The following GDAP1 variants were observed in gnomAD, a reference collection of about 807,000 sequenced individuals.
GDAP1 encodes the protein ganglioside induced differentiation associated protein 1, also known as ganglioside-induced differentiation-associated protein 1.
GDAP1 carries 34 observed loss-of-function variants against 40.1 expected under a neutral mutation model. The ratio of observed to expected loss-of-function variants is 0.85; its 90% confidence interval spans 0.64 to 1.13. The LOEUF (loss-of-function observed/expected upper bound fraction) is 1.13. GDAP1 is among the 50% of genes most tolerant of loss of function. The pLI is 0.00. For synonymous variants in GDAP1, 170 were observed against 157.4 expected (o/e 1.08, Z -0.60); for missense variants, 374 against 433.7 (o/e 0.86, Z 1.22).
chr8:74,468,323 A>G (rs1335348719), intron 2 of GDAP1, among the ~76,000 whole-genome samples: 1 of 152,128 alleles, frequency 6.6e-6, no homozygotes. Flanking sequence ...TGTATTTCAT[A>G]TATACATTAA....
chr8:74,382,773 T>A (rs1809973423), intron 2 of GDAP1, among the ~76,000 whole-genome samples: 1 of 152,150 alleles, frequency 6.6e-6, no homozygotes, highest in African/African-American at 2.4e-5. Context: ...TGTATAGAAT[T>A]TCACTTTTTT....
downstream of GDAP1, among the ~76,000 whole-genome samples, chr8:74,367,578 C>T (rs1421679687): frequency 1.3e-5 from 2 of 151,944 alleles, no homozygotes; most frequent in Non-Finnish European, 2.9e-5. Flanking sequence ...ATAAATAAAT[C>T]AGTATTCAGA....
chr8:74,371,613 T>C (rs1158836559), downstream of GDAP1, among the ~76,000 whole-genome samples: 2 of 150,430 alleles, frequency 1.3e-5, no homozygotes, highest in African/African-American at 4.9e-5. Context: ...TGAGCCGAGA[T>C]CGCGCCACTG....
At chr8:74,451,773 C>A (rs1806297427) in intron 2 of GDAP1, among the ~76,000 whole-genome samples, 2 of 78,890 alleles carry the variant, frequency 2.5e-5, no homozygotes, top group African/African-American at 5.6e-5. Flanking sequence ...CTTCTGGCCT[C>A]CATTGTTCTG....
chr8:74,441,507 T>C (rs1421152868), intron 2 of GDAP1, among the ~76,000 whole-genome samples: 2 of 152,148 alleles, frequency 1.3e-5, no homozygotes, highest in Non-Finnish European at 2.9e-5. Context: ...CTATTTGAAT[T>C]TTTATGGCCA....
intron 2 of GDAP1, among the ~76,000 whole-genome samples, chr8:74,400,502 A>T (rs1053949813): frequency 2.0e-5 from 3 of 149,744 alleles, no homozygotes; most frequent in Admixed American, 2.0e-4. Context: ...TTGACTCTTT[A>T]TCCAGTTTGC....
chr8:74,387,885 T>C (rs1327989434), intron 2 of GDAP1, among the ~76,000 whole-genome samples: 1 of 152,138 alleles, frequency 6.6e-6, no homozygotes, highest in Non-Finnish European at 1.5e-5. Flanking sequence ...TTCAGGGATT[T>C]GACTTCTTCC....
rs1806314645 is a variant in GDAP1 at position 74,454,705 on chromosome 8, CA to C, written c.166-33970del. Among the ~76,000 whole-genome samples the C allele has an allele frequency of 1.1e-3, 2 of 1,868 alleles. 1 individual carries two copies. The highest frequency in any genetic ancestry group is 0.25 in the Non-Finnish European group (2 of 8). 1.2% of individuals were successfully genotyped at this position (1,868 alleles called of 152,430 possible). A position where few individuals can be genotyped will look rare whatever the true frequency, so the allele number is the denominator to read the frequency against. On this transcript the variant is annotated intron_variant, in intron 2 of 2. Coordinates refer to the GDAP1 transcript ENST00000523640. ...TCTGGGCCCTAAAATAATATAATGC[CA>C]AATAATACTACAAATGCCAAATACA...
At chr8:74,471,583 T>C (rs889422894) in intron 2 of GDAP1, among the ~76,000 whole-genome samples, 1 of 152,176 alleles carries the variant, frequency 6.6e-6, no homozygotes, top group Non-Finnish European at 1.5e-5. Flanking sequence ...TACAGTCTTA[T>C]GAGTTTTAAC....
At chr8:74,375,973 C>T (rs2131533944) in intron 2 of GDAP1, among the ~76,000 whole-genome samples, 1 of 152,242 alleles carries the variant, frequency 6.6e-6, no homozygotes, top group Admixed American at 6.5e-5. Flanking sequence ...TTTGCACTAA[C>T]AACATGCAAT....
chr8:74,367,873 CCTGA>C (rs1217749623), downstream of GDAP1, among the ~76,000 whole-genome samples: 7 of 152,088 alleles, frequency 4.6e-5, no homozygotes, highest in African/African-American at 1.7e-4. Flanking sequence ...TAAGTTGGGG[CCTGA>C]CTGTGTTAGG....
chr8:74,485,032 T>G (rs1806759520), intron 2 of GDAP1, among the ~76,000 whole-genome samples: 1 of 152,126 alleles, frequency 6.6e-6, no homozygotes, highest in African/African-American at 2.4e-5. Context: ...AAAACTACCC[T>G]ACTACTTAAA....
chr8:74,462,685 T>C (rs189821953), intron 2 of GDAP1, among the ~76,000 whole-genome samples: 49 of 152,340 alleles, frequency 3.2e-4, no homozygotes, highest in African/African-American at 1.2e-3. Context: ...AGGAATAATT[T>C]AAGGAACTTA....
At position 74,418,856 on chromosome 8, in the gene GDAP1, A is replaced by C. The variant is rs937063465; in HGVS notation, c.165+67535A>C. 2.5e-5 allele frequency among the ~76,000 whole-genome samples: 3 copies of C among 120,482 alleles called. No individual in the cohort carries two copies. The South Asian group carries it at 8.3e-4, about 33-fold the overall frequency. The allele number at this position is 120,482 out of a possible 152,430, so 79.0% of individuals were successfully genotyped here. On this transcript the variant is annotated intron_variant, in intron 2 of 2. Transcript: ENST00000523640. ...ACAATTATAACAAACTATTCAATTA[A>C]AAAAATAGACAAAAGACTTTAACAG... is the stretch of plus-strand genomic sequence containing the variant.
At chr8:74,447,332 A>C (rs889123965) in intron 2 of GDAP1, among the ~76,000 whole-genome samples, 4 of 152,104 alleles carry the variant, frequency 2.6e-5, no homozygotes, top group African/African-American at 9.7e-5. Flanking sequence ...GTAATTATTA[A>C]AGCTGGGAAA....
intron 2 of GDAP1, among the ~76,000 whole-genome samples, chr8:74,399,383 A>C (rs576759410): frequency 1.3e-5 from 2 of 149,670 alleles, no homozygotes; most frequent in East Asian, 3.9e-4. Flanking sequence ...TTTCTGTGGG[A>C]TCGGTGGTGA....
chr8:74,362,032 A>C (rs1429781845), intron 4 of GDAP1, 54 bp downstream of exon 4: 2 of 924,950 alleles, frequency 2.2e-6, no homozygotes, highest in Admixed American at 3.4e-5. Flanking sequence ...TAAATGTTCT[A>C]CTTTTTGTAA....
chr8:74,486,983 A>G (rs983122494), intron 2 of GDAP1, among the ~76,000 whole-genome samples: 1 of 152,134 alleles, frequency 6.6e-6, no homozygotes, highest in African/African-American at 2.4e-5. Flanking sequence ...CTAACAAGCT[A>G]TGTAACCATT....
chr8:74,428,673 G>T (rs557954131), intron 2 of GDAP1, among the ~76,000 whole-genome samples: 76 of 108,450 alleles, frequency 7.0e-4, no homozygotes, highest in African/African-American at 2.3e-3. Context: ...GTAGAGACAG[G>T]GTTTCACCAT....
Sources: gnomAD v4.1 joint callset for allele counts (sites outside exome capture counted in the v4.1 genomes callset) on GRCh38, gnomAD v4.1.1 for gene constraint, MANE v1.5 for transcripts, NCBI Gene and HGNC (gene_info 2026-07-23, HGNC 2026-07-21) for gene names.